LEPR: variants seen among roughly 807,000 people sequenced by gnomAD.
LEPR encodes leptin receptor.
In LEPR, 56 loss-of-function variants were observed where a neutral mutation model predicts 114.7. The ratio of observed to expected loss-of-function variants is 0.49; its 90% CI spans 0.39 to 0.61. LEPR has a LOEUF of 0.61. Among genes scored for constraint, LEPR ranks in the 20% least tolerant of loss-of-function variants. The probability of loss-of-function intolerance (pLI) is 0.00; values close to 1 mark genes in which losing one functional copy is unlikely to be tolerated. For missense variants in LEPR, 1,202 were observed against 1,352.9 expected, an observed-to-expected ratio of 0.89 and a Z score of 1.75; for synonymous variants, 443 against 461.4, an observed-to-expected ratio of 0.96 and a Z score of 0.51.
chr1:65,445,870 T>A (rs1646707838), intron 2 of LEPR, among the ~76,000 whole-genome samples: 1 of 152,218 alleles, frequency 6.6e-6, no homozygotes, highest in East Asian at 1.9e-4. Flanking sequence ...TTTAAGGACA[T>A]AAAGTAATCA....
chr1:65,554,278 A>G (rs1652650775), intron 2 of LEPR, among the ~76,000 whole-genome samples: 1 of 152,178 alleles, frequency 6.6e-6, no homozygotes, highest in Admixed American at 6.5e-5. Context: ...TCAGGCAGGA[A>G]TGTTTAAGTC....
At chr1:65,512,675 C>T (rs1036873875) in intron 2 of LEPR, among the ~76,000 whole-genome samples, 4 of 152,138 alleles carry the variant, frequency 2.6e-5, no homozygotes, top group African/African-American at 9.7e-5. Flanking sequence ...CCAAATTCAA[C>T]AAATGACCAA....
At chr1:65,447,903 T>G (rs1000863600) in intron 2 of LEPR, among the ~76,000 whole-genome samples, 1 of 152,218 alleles carries the variant, frequency 6.6e-6, no homozygotes, top group Non-Finnish European at 1.5e-5. Flanking sequence ...AGTTACTTAT[T>G]AGTTCCAGGA....
chr1:65,588,650 CT>C (rs1393898838), intron 5 of LEPR, among the ~76,000 whole-genome samples: 1 of 152,030 alleles, frequency 6.6e-6, no homozygotes, highest in Non-Finnish European at 1.5e-5. Context: ...ACATAGCCTA[CT>C]ATTACTCTAG....
chr1:65,428,896 T>A (rs568683954), intron 2 of LEPR, among the ~76,000 whole-genome samples: 1 of 152,296 alleles, frequency 6.6e-6, no homozygotes, highest in East Asian at 1.9e-4. Flanking sequence ...TGTTTTTGCA[T>A]TACACTATTA....
intron 8 of LEPR, among the ~76,000 whole-genome samples, chr1:65,599,655 T>C (rs985575004): frequency 1.3e-5 from 2 of 152,178 alleles, no homozygotes; most frequent in African/African-American, 4.8e-5. Flanking sequence ...TTTCTTAACC[T>C]TTCTATGCCT....
chr1:65,613,935 A>T (rs1269986149), intron 14 of LEPR, among the ~76,000 whole-genome samples: 1 of 152,004 alleles, frequency 6.6e-6, no homozygotes, highest in East Asian at 1.9e-4. Context: ...CCAAAAAAAA[A>T]ACCTGACAAT....
At chr1:65,454,157 A>AT (rs1646831704) in intron 2 of LEPR, among the ~76,000 whole-genome samples, 1 of 151,036 alleles carries the variant, frequency 6.6e-6, no homozygotes, top group Admixed American at 6.6e-5. Flanking sequence ...CCATCCTTTT[A>AT]TTTTGAGCCT....
rs79240630 is a variant in LEPR, at chr1:65,575,458, A to C, written c.494+3009A>C. On this transcript the variant is annotated intron_variant, in intron 5 of 19. Coordinates refer to ENST00000349533, the MANE Select transcript of LEPR (RefSeq NM_002303.6). Reference sequence around the variant, plus strand: ...ACTTAATTAAGTGCAACTATACTTTAAAAAAAAAATCAAAAAGATCCTTTA... The same window carrying C: ...ACTTAATTAAGTGCAACTATACTTTCAAAAAAAAATCAAAAAGATCCTTTA... Among the ~76,000 whole-genome samples the C allele has an allele frequency of 9.2e-5, 7 of 76,066 alleles. No individual in the cohort carries two copies. In the South Asian group the frequency reaches 2.3e-3, roughly 25 times the overall value. 49.9% of individuals were successfully genotyped at this position (76,066 alleles called of 152,430 possible). A position where few individuals can be genotyped will look rare whatever the true frequency, so the allele number is the denominator to read the frequency against.
intron 2 of LEPR, among the ~76,000 whole-genome samples, chr1:65,557,221 C>T (rs1207078246): frequency 6.6e-6 from 1 of 152,130 alleles, no homozygotes; most frequent in Non-Finnish European, 1.5e-5. Flanking sequence ...TTCTCCTAAA[C>T]TGTTCATTTC....
At chr1:65,543,785 G>A (rs1651422829) in intron 2 of LEPR, among the ~76,000 whole-genome samples, 1 of 151,970 alleles carries the variant, frequency 6.6e-6, no homozygotes. Flanking sequence ...TTGTAGATGT[G>A]TGGCATTATT....
chr1:65,575,537 G>T (rs1402861735), intron 5 of LEPR, among the ~76,000 whole-genome samples: 1 of 151,242 alleles, frequency 6.6e-6, no homozygotes, highest in African/African-American at 2.5e-5. Flanking sequence ...ATAGTTAACT[G>T]CCCCTCAAAT....
Position 65,620,038 on chromosome 1 carries a change from T to A in LEPR, c.2491+15T>A. 1 of 1,582,376 alleles carries A rather than the reference T, an allele frequency of 6.3e-7. No individual in the cohort carries two copies. Among genetic ancestry groups the A allele is most frequent in the Non-Finnish European group, 8.7e-7 (1 of 1,152,696 alleles). ...TTTCACTCAAGGTAAAAATTATAAT[T>A]TTAGTTTCCTTTTACACCAATGTGT... On this transcript the variant is annotated intron_variant, in intron 17 of 19. Coordinates refer to ENST00000349533, the MANE Select transcript of LEPR (RefSeq NM_002303.6).
chr1:65,628,267 A>G (rs1435474307), intron 19 of LEPR, among the ~76,000 whole-genome samples: 1 of 152,150 alleles, frequency 6.6e-6, no homozygotes, highest in African/African-American at 2.4e-5. Context: ...TCTGGATAAT[A>G]TAAAGATGAA....
At chr1:65,512,645 A>G (rs528660220) in intron 2 of LEPR, among the ~76,000 whole-genome samples, 1 of 152,304 alleles carries the variant, frequency 6.6e-6, no homozygotes, top group South Asian at 2.1e-4. Flanking sequence ...TGAAAAACAG[A>G]CAGGATGAGG....
At chr1:65,598,830 C>T in intron 8 of LEPR, 26 bp downstream of exon 8, 1 of 1,612,718 alleles carries the variant, frequency 6.2e-7, no homozygotes, top group Non-Finnish European at 8.5e-7. Context: ...GCCACTTCTA[C>T]TGGGAGGGAA....
chr1:65,635,554 T>A (rs1327302913), intron 19 of LEPR: 2 of 202,316 alleles, frequency 9.9e-6, no homozygotes, highest in African/African-American at 4.7e-5. Flanking sequence ...TCTCTACATA[T>A]GATATTATTA....
chr1:65,635,121 T>C (rs1378893812), intron 19 of LEPR: 17 of 932,174 alleles, frequency 1.8e-5, no homozygotes, highest in Non-Finnish European at 2.2e-5. Context: ...ATGCTTGCCA[T>C]TATGAAGAAC....
chr1:65,535,708 A>C (rs923398016), intron 2 of LEPR, among the ~76,000 whole-genome samples: 1 of 152,170 alleles, frequency 6.6e-6, no homozygotes, highest in African/African-American at 2.4e-5. Context: ...CTATAAAAAC[A>C]GTAATTTAGG....
Sources: allele counts gnomAD v4.1 joint callset (sites outside exome capture counted in the v4.1 genomes callset), GRCh38; gene constraint gnomAD v4.1.1; transcripts MANE v1.5; gene names NCBI Gene and HGNC (gene_info 2026-07-23, HGNC 2026-07-21).